Variants in CALY observed in about 807,000 individuals in gnomAD.
The protein encoded by CALY is neuron-specific vesicular protein calcyon.
A neutral mutation model predicts 20.2 loss-of-function variants in CALY; 15 were observed. The ratio of observed to expected loss-of-function variants is 0.74; its 90% confidence interval spans 0.50 to 1.14. CALY has a LOEUF of 1.14. Among genes scored for constraint, CALY ranks in the 50% most tolerant of loss-of-function variants. The probability of loss-of-function intolerance (pLI) is 0.00; values close to 1 mark genes in which losing one functional copy is unlikely to be tolerated. For synonymous variants in CALY, 129 were observed against 131.8 expected, an observed-to-expected ratio of 0.98 and a Z score of 0.15; for missense variants, 270 against 304.4, an observed-to-expected ratio of 0.89 and a Z score of 0.84.
rs771848704 is a variant in CALY, at chr10:133,328,956, G to T, written c.34C>A (p.Pro12Thr). Residue 12 changes from proline (P) to threonine (T), a missense_variant, in exon 2 of 6, where the codon CCA becomes ACA. Coordinates refer to ENST00000252939, the MANE Select transcript of CALY (RefSeq NM_015722.4). Reference protein sequence around the residue: ...VKLGCSFSGKPGKDPGDQDGA... With the variant: ...VKLGCSFSGKTGKDPGDQDGA... ...TCCTGGTCCCCAGGGTCTTTACCTG[G>T]CTTCCCAGAGAAGCTGCAGCCCAGC... is the stretch of plus-strand genomic sequence containing the variant. 1.3e-6 allele frequency: 2 copies of T among 1,564,948 alleles called. No homozygotes were observed. Among genetic ancestry groups the T allele is most frequent in the Non-Finnish European group, 1.7e-6 (2 of 1,153,692 alleles).
Position 133,324,402 on chromosome 10 carries a change from C to G in CALY, c.*1193G>C. ...ACTGAGCTGGGAAGCTGCCTAGACC[C>G]GCACCTAGCCAGCAAGCCTGGGAGC... On this transcript the variant is annotated 3_prime_UTR_variant, in exon 6 of 6. Transcript: ENST00000252939. 2 of 454,668 alleles carry G rather than the reference C, an allele frequency of 4.4e-6. No homozygotes were observed. The highest frequency in any genetic ancestry group is 1.6e-5 in the South Asian group (1 of 64,514). The allele number at this position is 454,668 out of a possible 1,614,324, so 28.2% of individuals were successfully genotyped here.
chr10:133,330,886 C>T (rs1369679797), intron 1 of CALY, among the ~76,000 whole-genome samples: 1 of 151,980 alleles, frequency 6.6e-6, no homozygotes, highest in Admixed American at 6.6e-5. Flanking sequence ...GGCCAGCCCC[C>T]GCCACACGTA....
intron 1 of CALY, among the ~76,000 whole-genome samples, chr10:133,330,007 C>T (rs1304944224): frequency 6.6e-6 from 1 of 152,202 alleles, no homozygotes; most frequent in African/African-American, 2.4e-5. Flanking sequence ...AGCAGGGCCC[C>T]GCGGGGCTGG....
intron 3 of CALY, 141 bp downstream of exon 3, chr10:133,327,764 G>C (rs1000981551): frequency 1.4e-6 from 1 of 722,276 alleles, no homozygotes; most frequent in Non-Finnish European, 2.6e-6. Context: ...AGCTCTGGGC[G>C]GGATGACTCA....
intron 1 of CALY, among the ~76,000 whole-genome samples, chr10:133,335,597 G>A (rs1298454010): frequency 6.6e-6 from 1 of 152,178 alleles, no homozygotes; most frequent in African/African-American, 2.4e-5. Flanking sequence ...GGTTGGAAAG[G>A]GGGGACTAGC....
intron 1 of CALY, among the ~76,000 whole-genome samples, chr10:133,329,392 C>CTTCTTCTT (rs549430070): frequency 2.2e-5 from 3 of 137,452 alleles, no homozygotes; most frequent in Non-Finnish European, 3.1e-5. Flanking sequence ...TCTTCTTCTT[C>CTTCTTCTT]TTTTTTTTTT....
intron 4 of CALY, among the ~76,000 whole-genome samples, chr10:133,326,637 G>A (rs1479045881): frequency 6.6e-6 from 1 of 152,160 alleles, no homozygotes; most frequent in Non-Finnish European, 1.5e-5. Flanking sequence ...GCTGCAGGGT[G>A]ACCTTTTCTG....
intron 2 of CALY, among the ~76,000 whole-genome samples, chr10:133,328,285 C>G (rs1848247108): frequency 6.6e-6 from 1 of 152,234 alleles, no homozygotes; most frequent in Non-Finnish European, 1.5e-5. Flanking sequence ...CTGCTGCCTT[C>G]AACTCAGGGT....
At chr10:133,331,108 G>T (rs1327169994) in intron 1 of CALY, among the ~76,000 whole-genome samples, 1 of 152,192 alleles carries the variant, frequency 6.6e-6, no homozygotes, top group Non-Finnish European at 1.5e-5. Context: ...AAGACTCAGG[G>T]CTCATTTACT....
chr10:133,328,802 CTT>C, intron 2 of CALY, 51 bp downstream of exon 2: 7 of 1,504,060 alleles, frequency 4.7e-6, no homozygotes, highest in Non-Finnish European at 6.2e-6. Flanking sequence ...CCCCACACCC[CTT>C]TGTTCCCAGG....
chr10:133,329,142 G>C (rs1341174749), intron 1 of CALY, 133 bp from the exon 2 acceptor site: 34 of 748,134 alleles, frequency 4.5e-5, no homozygotes, highest in Non-Finnish European at 7.1e-5. Flanking sequence ...GCTGTAAGTG[G>C]TCAGGCCAGC....
Position 133,325,893 on chromosome 10 carries a change from C to A in CALY, c.588G>T (p.Ser196=). The A allele has an allele frequency of 7.8e-7, 1 of 1,275,816 alleles. No individual in the cohort carries two copies. The highest frequency in any genetic ancestry group is 9.9e-7 in the Non-Finnish European group (1 of 1,011,882). 79.0% of individuals were successfully genotyped at this position (1,275,816 alleles called of 1,614,324 possible). ...GCGCCGCCTCCTTCTCCGCCTTGGC[C>A]GACGGCTTCCCGGGGGGTTCGGTGG... The part of the protein sequence containing the change: ...AAATEPPGKP[S]AKAEKEAARK... Residue 196 remains serine, a synonymous_variant, in exon 5 of 6, where the codon TCG becomes TCT. Transcript: ENST00000252939.
intron 1 of CALY, among the ~76,000 whole-genome samples, chr10:133,331,240 G>A (rs528264966): frequency 6.6e-6 from 1 of 152,118 alleles, no homozygotes; most frequent in African/African-American, 2.4e-5. Context: ...CTCGATCTGC[G>A]GTTCTACAAG....
chr10:133,330,054 G>C (rs1247206015), intron 1 of CALY, among the ~76,000 whole-genome samples: 3 of 152,266 alleles, frequency 2.0e-5, no homozygotes, highest in Non-Finnish European at 4.4e-5. Flanking sequence ...GAAGCCGAGG[G>C]TGCCCGGCTT....
At chr10:133,326,356 G>T in intron 4 of CALY, 1 of 1,242,044 alleles carries the variant, frequency 8.1e-7, no homozygotes, top group South Asian at 1.3e-5. Flanking sequence ...AGACACCAGT[G>T]GACCTGCCCA....
intron 1 of CALY, among the ~76,000 whole-genome samples, chr10:133,330,930 G>A (rs923461300): frequency 6.6e-5 from 10 of 152,166 alleles, no homozygotes; most frequent in African/African-American, 1.4e-4. Flanking sequence ...CTCAAGCAGC[G>A]TGAATCCAGC....
rs1031996238 is a variant in CALY at position 133,324,402 on chromosome 10, C to A, written c.*1193G>T. On this transcript the variant is annotated 3_prime_UTR_variant, in exon 6 of 6. Transcript: ENST00000252939. ...ACTGAGCTGGGAAGCTGCCTAGACCCGCACCTAGCCAGCAAGCCTGGGAGC... is the reference window on the plus strand; with the variant it reads ...ACTGAGCTGGGAAGCTGCCTAGACCAGCACCTAGCCAGCAAGCCTGGGAGC... 8 of 454,558 alleles carry A rather than the reference C, an allele frequency of 1.8e-5. No individual in the cohort carries two copies. The highest frequency in any genetic ancestry group is 2.6e-5 in the Non-Finnish European group (6 of 226,778). 28.2% of individuals were successfully genotyped at this position (454,558 alleles called of 1,614,324 possible). A position where few individuals can be genotyped will look rare whatever the true frequency, so the allele number is the denominator to read the frequency against.
intron 1 of CALY, among the ~76,000 whole-genome samples, chr10:133,335,564 C>T (rs1321995921): frequency 6.6e-6 from 1 of 152,182 alleles, no homozygotes; most frequent in Non-Finnish European, 1.5e-5. Context: ...GGTTCCGGGC[C>T]CAGCGCCCCG....
chr10:133,325,736 G>T, intron 5 of CALY, 63 bp downstream of exon 5: 2 of 713,708 alleles, frequency 2.8e-6, no homozygotes, highest in Non-Finnish European at 3.8e-6. Context: ...GCTCAGAAGC[G>T]GTGGCGGGAG....
Sources: gnomAD v4.1 joint callset for allele counts (sites outside exome capture counted in the v4.1 genomes callset) on GRCh38, gnomAD v4.1.1 for gene constraint, MANE v1.5 for transcripts, NCBI Gene and HGNC (gene_info 2026-07-23, HGNC 2026-07-21) for gene names.